Variants in VOPP1 observed in about 807,000 individuals in gnomAD.
The protein encoded by VOPP1 is VOPP1 WW domain binding protein, also known as WW domain binding protein VOPP1.
Under a neutral mutation model 23.5 loss-of-function variants are expected in VOPP1, and 8 were observed. The ratio of observed to expected loss-of-function variants is 0.34; its 90% CI spans 0.20 to 0.61. The LOEUF (loss-of-function observed/expected upper bound fraction) is 0.61, where lower values mean the gene tolerates loss of function less well. Among genes scored for constraint, VOPP1 ranks in the 20% least tolerant of loss-of-function variants. The pLI is 0.78. For missense variants in VOPP1, 174 were observed against 238.1 expected (o/e 0.73, Z 1.77); for synonymous variants, 83 against 97.3 (o/e 0.85, Z 0.86).
chr7:55,505,652 AG>A (rs1562936421), intron 2 of VOPP1, among the ~76,000 whole-genome samples: 51 of 498 alleles, frequency 0.1, no homozygotes, highest in East Asian at 0.36. Flanking sequence ...GAAGGAAGGA[AG>A]GGAGGGAGGG....
intron 1 of VOPP1, among the ~76,000 whole-genome samples, chr7:55,545,880 G>C (rs1797345046): frequency 6.6e-6 from 1 of 151,566 alleles, no homozygotes; most frequent in African/African-American, 2.4e-5. Context: ...ACCAGCCCGG[G>C]CCACACAGCA....
intron 2 of VOPP1, among the ~76,000 whole-genome samples, chr7:55,512,400 T>C (rs1252340466): frequency 6.6e-6 from 1 of 151,758 alleles, no homozygotes; most frequent in Non-Finnish European, 1.5e-5. Flanking sequence ...CATTCCAGCC[T>C]GGGCAAGAGT....
chr7:55,499,796 T>A (rs1265818053), intron 2 of VOPP1, among the ~76,000 whole-genome samples: 1 of 152,086 alleles, frequency 6.6e-6, no homozygotes, highest in Non-Finnish European at 1.5e-5. Flanking sequence ...ATGCTGGAGA[T>A]GAGTGCAGGA....
intron 1 of VOPP1, chr7:55,552,816 C>A (rs1797666822): frequency 5.5e-6 from 8 of 1,463,198 alleles, no homozygotes; most frequent in African/African-American, 1.4e-5. Flanking sequence ...CTGAGTCACT[C>A]AGCCATGCTC....
Position 55,572,417 on chromosome 7 carries a change from G to A in VOPP1, c.-93C>T. The stretch of plus-strand genomic sequence containing the variant: ...GCGCGGGGCGGGCGGGCAGACTGCA[G>A]CCGGGAGCCGTCCCGCCGACCGCTG... On this transcript the variant is annotated 5_prime_UTR_variant, in exon 1 of 5. Coordinates refer to ENST00000285279, the MANE Select transcript of VOPP1 (RefSeq NM_030796.5). The A allele has an allele frequency of 2.2e-6, 2 of 912,338 alleles. No individual in the cohort carries two copies. The highest frequency in any genetic ancestry group is 2.8e-6 in the Non-Finnish European group (2 of 725,878). 56.5% of individuals were successfully genotyped at this position (912,338 alleles called of 1,614,324 possible).
intron 1 of VOPP1, among the ~76,000 whole-genome samples, chr7:55,567,421 C>T (rs1474233620): frequency 6.6e-6 from 1 of 152,188 alleles, no homozygotes; most frequent in Non-Finnish European, 1.5e-5. Context: ...ACAGACCTCA[C>T]TGAGAAGGTG....
chr7:55,517,378 C>G (rs1426745549), intron 2 of VOPP1, among the ~76,000 whole-genome samples: 2 of 152,130 alleles, frequency 1.3e-5, no homozygotes, highest in African/African-American at 4.8e-5. Flanking sequence ...CGCACCACAA[C>G]TGACACGTCG....
At chr7:55,552,774 G>A in intron 1 of VOPP1, 1 of 1,525,980 alleles carries the variant, frequency 6.6e-7, no homozygotes, top group Non-Finnish European at 8.8e-7. Flanking sequence ...GGCAGCAAGT[G>A]GAGCCTGTTC....
intron 1 of VOPP1, chr7:55,538,598 T>A: frequency 6.5e-7 from 1 of 1,534,462 alleles, no homozygotes; most frequent in South Asian, 1.2e-5. Context: ...AACATAATAA[T>A]CCATCTATAC....
chr7:55,513,962 C>T (rs944585493), intron 2 of VOPP1, among the ~76,000 whole-genome samples: 8 of 152,190 alleles, frequency 5.3e-5, no homozygotes, highest in African/African-American at 1.4e-4. Context: ...AAACAGTCAT[C>T]GTCTGAAGTC....
chr7:55,494,669 G>T (rs140492327), intron 3 of VOPP1, among the ~76,000 whole-genome samples: 2 of 152,076 alleles, frequency 1.3e-5, no homozygotes, highest in Admixed American at 1.3e-4. Context: ...TGGTAGAGAC[G>T]GAGTCTCACT....
At chr7:55,478,659 C>T (rs1387344350) in intron 4 of VOPP1, among the ~76,000 whole-genome samples, 4 of 152,188 alleles carry the variant, frequency 2.6e-5, no homozygotes, top group Admixed American at 2.6e-4. Context: ...TGCCTGCCTC[C>T]AACCAAGTAC....
chr7:55,474,835 G>A (rs1178608818), intron 4 of VOPP1, among the ~76,000 whole-genome samples: 1 of 152,262 alleles, frequency 6.6e-6, no homozygotes, highest in African/African-American at 2.4e-5. Flanking sequence ...AAGTGTCTAA[G>A]GCTGATGAGA....
chr7:55,535,276 C>A (rs1796718611), intron 1 of VOPP1, among the ~76,000 whole-genome samples: 1 of 152,218 alleles, frequency 6.6e-6, no homozygotes, highest in Non-Finnish European at 1.5e-5. Context: ...CCCTTGAGGT[C>A]ATAATTTTCT....
chr7:55,554,605 G>A (rs976459362), intron 1 of VOPP1, among the ~76,000 whole-genome samples: 1 of 152,192 alleles, frequency 6.6e-6, no homozygotes, highest in Non-Finnish European at 1.5e-5. Context: ...GGGATGGTGA[G>A]GTTTCTGGAG....
chr7:55,450,785 G>A (rs907257608), intron 4 of VOPP1, among the ~76,000 whole-genome samples: 10 of 152,212 alleles, frequency 6.6e-5, no homozygotes, highest in Non-Finnish European at 1.0e-4. Context: ...TAAGGGCTGC[G>A]CCCAGGCAGT....
chr7:55,490,084 CGTCCTCA>C (rs1793456244), intron 4 of VOPP1, among the ~76,000 whole-genome samples: 1 of 152,012 alleles, frequency 6.6e-6, no homozygotes, highest in African/African-American at 2.4e-5. Context: ...GCTGTGAATG[CGTCCTCA>C]GTCCTCAGCT....
chr7:55,497,133 G>T (rs149152274), intron 3 of VOPP1, among the ~76,000 whole-genome samples: 140 of 152,340 alleles, frequency 9.2e-4, no homozygotes, highest in Non-Finnish European at 1.3e-3. Flanking sequence ...GCAGACTTTG[G>T]ACTGCTCCGT....
intron 4 of VOPP1, among the ~76,000 whole-genome samples, chr7:55,439,475 G>A (rs1052365812): frequency 6.6e-6 from 1 of 152,196 alleles, no homozygotes; most frequent in African/African-American, 2.4e-5. Context: ...GCTGGTGAGC[G>A]AAATAGGGTC....
Sources: gnomAD v4.1 joint callset for allele counts (sites outside exome capture counted in the v4.1 genomes callset) on GRCh38, gnomAD v4.1.1 for gene constraint, MANE v1.5 for transcripts, NCBI Gene and HGNC (gene_info 2026-07-23, HGNC 2026-07-21) for gene names.